The following FNDC3A variants were observed in gnomAD, a reference collection of about 807,000 sequenced individuals.
FNDC3A encodes fibronectin type-III domain-containing protein 3A.
Under a neutral mutation model 148.9 loss-of-function variants are expected in FNDC3A, and 32 were observed. The observed-to-expected ratio is 0.21, with a 90% CI of 0.16 to 0.29. FNDC3A has a LOEUF of 0.29. Ranked by LOEUF, FNDC3A falls within the 10% of genes least tolerant of loss-of-function variation. The pLI, the probability that FNDC3A is intolerant of heterozygous loss-of-function variation, is 1.00. For missense variants in FNDC3A, 1,191 were observed against 1,452.8 expected, an observed-to-expected ratio of 0.82 and a Z score of 2.93; for synonymous variants, 472 against 473.6, an observed-to-expected ratio of 1.00 and a Z score of 0.04.
chr13:49,049,045 C>CT (rs1485867827), intron 2 of FNDC3A, among the ~76,000 whole-genome samples: 4 of 152,080 alleles, frequency 2.6e-5, no homozygotes, highest in Admixed American at 6.5e-5. Flanking sequence ...TTGTCAAATG[C>CT]TTTTTTTGCA....
chr13:49,161,106 G>C (rs1329472339), intron 8 of FNDC3A, among the ~76,000 whole-genome samples: 1 of 152,146 alleles, frequency 6.6e-6, no homozygotes, highest in Non-Finnish European at 1.5e-5. Flanking sequence ...ATTGATTTGG[G>C]GTGGAGAGTT....
intron 2 of FNDC3A, among the ~76,000 whole-genome samples, chr13:49,010,085 G>A (rs1374629914): frequency 6.6e-6 from 1 of 152,220 alleles, no homozygotes; most frequent in African/African-American, 2.4e-5. Context: ...TAGGGCCAAA[G>A]GAGAAGCAGC....
chr13:49,072,082 AT>A (rs1191738238), intron 2 of FNDC3A, among the ~76,000 whole-genome samples: 8 of 152,278 alleles, frequency 5.3e-5, no homozygotes, highest in Non-Finnish European at 8.8e-5. Context: ...AAACAAAAAA[AT>A]ATTTGCCCAG....
At chr13:49,069,515 GC>G (rs1877502565) in intron 2 of FNDC3A, among the ~76,000 whole-genome samples, 1 of 152,006 alleles carries the variant, frequency 6.6e-6, no homozygotes, top group Non-Finnish European at 1.5e-5. Context: ...CTTGTGCTTT[GC>G]CCTTATTCTT....
intron 1 of FNDC3A, among the ~76,000 whole-genome samples, chr13:48,998,935 T>C (rs1282005769): frequency 6.6e-6 from 1 of 152,156 alleles, no homozygotes; most frequent in Non-Finnish European, 1.5e-5. Context: ...GAAGGAAGAC[T>C]GTGAACATGC....
At chr13:48,994,352 AAAC>A (rs1049998788) in intron 1 of FNDC3A, among the ~76,000 whole-genome samples, 208 of 152,362 alleles carry the variant, frequency 1.4e-3, no homozygotes, top group African/African-American at 4.6e-3. Flanking sequence ...GTTTTAATAA[AAAC>A]AAGACAATGC....
At chr13:49,003,967 G>A (rs938449174) in intron 1 of FNDC3A, among the ~76,000 whole-genome samples, 4 of 152,146 alleles carry the variant, frequency 2.6e-5, no homozygotes, top group Non-Finnish European at 5.9e-5. Flanking sequence ...AAAGTTGGTT[G>A]TTAAAATTCA....
chr13:49,194,863 T>C (rs182486832), intron 19 of FNDC3A, among the ~76,000 whole-genome samples: 4 of 152,258 alleles, frequency 2.6e-5, no homozygotes, highest in Admixed American at 6.5e-5. Context: ...TGGAAAGATT[T>C]TTTAAACTTA....
intron 2 of FNDC3A, among the ~76,000 whole-genome samples, chr13:49,066,766 A>G (rs1385907815): frequency 6.6e-6 from 1 of 151,904 alleles, no homozygotes; most frequent in Non-Finnish European, 1.5e-5. Context: ...ACATAGGTAT[A>G]CACGTGCCAT....
chr13:48,996,901 A>AGT (rs1447526764), intron 1 of FNDC3A, among the ~76,000 whole-genome samples: 1 of 152,072 alleles, frequency 6.6e-6, no homozygotes, highest in Admixed American at 6.5e-5. Context: ...ATCTCTACTA[A>AGT]AAACACAAAA....
At chr13:49,168,204 A>G (rs1884576597) in intron 9 of FNDC3A, among the ~76,000 whole-genome samples, 1 of 152,178 alleles carries the variant, frequency 6.6e-6, no homozygotes, top group South Asian at 2.1e-4. Flanking sequence ...CTATGGATAT[A>G]CTCAAAGTAT....
intron 2 of FNDC3A, among the ~76,000 whole-genome samples, chr13:49,023,779 A>AG (rs972735486): frequency 1.3e-5 from 2 of 151,958 alleles, no homozygotes; most frequent in African/African-American, 4.8e-5. Flanking sequence ...CAACTAAAAA[A>AG]CAAAGATGTT....
At chr13:49,132,607 T>G (rs939421470) in intron 5 of FNDC3A, among the ~76,000 whole-genome samples, 2 of 152,222 alleles carry the variant, frequency 1.3e-5, no homozygotes, top group Admixed American at 6.5e-5. Context: ...GGAACCAAAA[T>G]TAGTTCTGGT....
chr13:48,982,867 T>C (rs1457955278), intron 1 of FNDC3A, among the ~76,000 whole-genome samples: 1 of 152,184 alleles, frequency 6.6e-6, no homozygotes, highest in Middle Eastern at 3.2e-3. Context: ...CCTTGGTTCG[T>C]TCATTTTACA....
Position 49,069,500 on chromosome 13 carries a change from C to A in FNDC3A, c.100-5789C>A, listed in dbSNP as rs73184665. On this transcript the variant is annotated intron_variant, in intron 2 of 25. Transcript: ENST00000492622. ...AACACAGTAAACTTAATGTCATTTC[C>A]GATCCTTGTGCTTTGCCCTTATTCT... Among the ~76,000 whole-genome samples, 668 of 152,200 alleles carry A rather than the reference C, an allele frequency of 4.4e-3. 4 individuals are homozygous for A. The highest frequency in any genetic ancestry group is 7.3e-3 in the Non-Finnish European group (499 of 68,010).
chr13:48,985,762 G>A (rs540885777), intron 1 of FNDC3A, among the ~76,000 whole-genome samples: 29 of 152,170 alleles, frequency 1.9e-4, no homozygotes, highest in African/African-American at 6.5e-4. Context: ...AGACTGGAAG[G>A]GTACACCACA....
intron 17 of FNDC3A, among the ~76,000 whole-genome samples, chr13:49,189,519 G>C (rs1185150390): frequency 1.3e-5 from 2 of 151,712 alleles, no homozygotes; most frequent in Non-Finnish European, 2.9e-5. Flanking sequence ...AACCAAGAAT[G>C]GTTTCTTGGA....
Position 49,032,381 on chromosome 13 carries a change from A to G in FNDC3A, c.99+26092A>G, listed in dbSNP as rs946580078. 2.6e-5 allele frequency among the ~76,000 whole-genome samples: 4 copies of G among 152,402 alleles called. No homozygotes were observed. The East Asian group carries it at 5.8e-4, about 22-fold the overall frequency. On this transcript the variant is annotated intron_variant, in intron 2 of 25. Coordinates refer to ENST00000492622, the MANE Select transcript of FNDC3A (RefSeq NM_001079673.2). ...AAAAGTGGAAACACTCCAAATGTCCATCAACAGAGAAATGGATAAACAAAA... is the reference window on the plus strand; with the variant it reads ...AAAAGTGGAAACACTCCAAATGTCCGTCAACAGAGAAATGGATAAACAAAA...
At chr13:49,163,309 C>G (rs1240175832) in intron 8 of FNDC3A, among the ~76,000 whole-genome samples, 1 of 152,226 alleles carries the variant, frequency 6.6e-6, no homozygotes, top group Non-Finnish European at 1.5e-5. Context: ...TTTCCGGCTG[C>G]TTTGTTTACC....
Sources: allele counts gnomAD v4.1 joint callset (sites outside exome capture counted in the v4.1 genomes callset), GRCh38; gene constraint gnomAD v4.1.1; transcripts MANE v1.5; gene names NCBI Gene and HGNC (gene_info 2026-07-23, HGNC 2026-07-21).